Variants in AOAH observed in about 807,000 individuals in gnomAD.
The protein encoded by AOAH is acyloxyacyl hydrolase (neutrophil).
In AOAH, 64 loss-of-function variants were observed where a neutral mutation model predicts 92.2. The observed-to-expected ratio is 0.69, with a 90% CI of 0.57 to 0.86. The LOEUF is 0.86. Ranked by LOEUF, AOAH falls within the 40% of genes least tolerant of loss-of-function variation. AOAH has a pLI of 0.00. For synonymous variants in AOAH, 263 were observed against 254.5 expected (o/e 1.03, Z -0.32); for missense variants, 656 against 694.6 (o/e 0.94, Z 0.62).
chr7:36,514,562 A>C, intron 20 of AOAH: 1 of 1,535,804 alleles, frequency 6.5e-7, no homozygotes, highest in Non-Finnish European at 8.7e-7. Context: ...GCTTGTCATT[A>C]ATATGCCTTT....
intron 16 of AOAH, among the ~76,000 whole-genome samples, chr7:36,539,602 C>G (rs1785285412): frequency 1.3e-5 from 2 of 152,208 alleles, no homozygotes; most frequent in South Asian, 4.1e-4. Flanking sequence ...TAAATACATT[C>G]TCCTCTGAAA....
rs1311915016 is a variant in AOAH at position 36,656,213 on chromosome 7, A to G, written c.390+2953T>C. Among the ~76,000 whole-genome samples, 13 of 152,348 alleles carry G rather than the reference A, an allele frequency of 8.5e-5. No individual in the cohort carries two copies. The East Asian group carries it at 2.5e-3, about 29-fold the overall frequency. ...AAGATGATTGGGGGAATTCTACATG[A>G]AATGATGCTGTTCACCCAACACGGG... is the stretch of plus-strand genomic sequence containing the variant. On this transcript the variant is annotated intron_variant, in intron 4 of 20. Coordinates refer to ENST00000617537, the MANE Select transcript of AOAH (RefSeq NM_001637.4).
intron 19 of AOAH, among the ~76,000 whole-genome samples, chr7:36,523,707 T>C (rs1784237350): frequency 7.2e-6 from 1 of 138,776 alleles, no homozygotes; most frequent in Non-Finnish European, 1.5e-5. Context: ...GCCTCACATT[T>C]CCCTCTGGAC....
chr7:36,671,211 A>G (rs1795903414), intron 3 of AOAH, among the ~76,000 whole-genome samples: 2 of 152,102 alleles, frequency 1.3e-5, no homozygotes, highest in African/African-American at 2.4e-5. Context: ...CTCATCTGTA[A>G]TCATACTTTT....
chr7:36,578,765 G>A (rs1331421766), intron 12 of AOAH, among the ~76,000 whole-genome samples: 1 of 152,106 alleles, frequency 6.6e-6, no homozygotes, highest in Admixed American at 6.5e-5. Flanking sequence ...GTTAATAACT[G>A]CCTTTTGTTT....
rs141568146 is a variant in AOAH, at chr7:36,638,590, G to T, written c.391-680C>A. 3.4e-3 allele frequency among the ~76,000 whole-genome samples: 524 copies of T among 152,168 alleles called. 5 individuals carry two copies. Among genetic ancestry groups the T allele is most frequent in the African/African-American group, 0.012 (505 of 41,494 alleles). On this transcript the variant is annotated intron_variant, in intron 4 of 20. Coordinates refer to ENST00000617537, the MANE Select transcript of AOAH (RefSeq NM_001637.4). Reference sequence around the variant, plus strand: ...TTTGTCTATTTGTGGAGGGGTGGGAGAAGAGTAACCCTGGGCTGGGTGGGG... The same window carrying T: ...TTTGTCTATTTGTGGAGGGGTGGGATAAGAGTAACCCTGGGCTGGGTGGGG...
Position 36,548,596 on chromosome 7 carries a change from T to G in AOAH, c.1133+16A>C. The stretch of plus-strand genomic sequence containing the variant: ...GAGCCAAAGAATCTTGAAAATACTT[T>G]TTCTCAATAACTCACCCACTGCAGA... On this transcript the variant is annotated intron_variant, in intron 15 of 20. Transcript: ENST00000617537. 1 of 1,609,686 alleles carries G rather than the reference T, an allele frequency of 6.2e-7. No individual in the cohort carries two copies. The highest frequency in any genetic ancestry group is 8.5e-7 in the Non-Finnish European group (1 of 1,176,306).
intron 12 of AOAH, among the ~76,000 whole-genome samples, chr7:36,582,574 C>CTAAT (rs1464417490): frequency 6.6e-6 from 1 of 152,168 alleles, no homozygotes; most frequent in Non-Finnish European, 1.5e-5. Context: ...TGAGAGCTTC[C>CTAAT]TAATGCCTTC....
chr7:36,586,709 G>A (rs1409413948), intron 12 of AOAH, among the ~76,000 whole-genome samples: 1 of 152,126 alleles, frequency 6.6e-6, no homozygotes, highest in Non-Finnish European at 1.5e-5. Context: ...AGTTAAAGCT[G>A]TCAAAATTTA....
intron 11 of AOAH, among the ~76,000 whole-genome samples, chr7:36,606,143 T>C (rs1177472792): frequency 6.6e-6 from 1 of 152,250 alleles, no homozygotes; most frequent in Non-Finnish European, 1.5e-5. Context: ...ATATTTTGTA[T>C]GCATCATGAA....
At chr7:36,573,894 C>T (rs2116613296) in intron 13 of AOAH, among the ~76,000 whole-genome samples, 1 of 152,090 alleles carries the variant, frequency 6.6e-6, no homozygotes, top group East Asian at 1.9e-4. Flanking sequence ...TCCCTTTTTC[C>T]CCTTTCTCTC....
intron 2 of AOAH, among the ~76,000 whole-genome samples, chr7:36,685,409 A>C (rs965566521): frequency 6.6e-6 from 1 of 152,168 alleles, no homozygotes; most frequent in African/African-American, 2.4e-5. Context: ...ATGGGACTTC[A>C]GGGGAGGCCA....
At chr7:36,625,102 T>C (rs1460284709) in intron 6 of AOAH, among the ~76,000 whole-genome samples, 1 of 152,002 alleles carries the variant, frequency 6.6e-6, no homozygotes, top group Non-Finnish European at 1.5e-5. Flanking sequence ...TTAGTGGACC[T>C]AATGAAGAGG....
chr7:36,673,467 G>A (rs981119471), intron 3 of AOAH, among the ~76,000 whole-genome samples: 1 of 151,942 alleles, frequency 6.6e-6, no homozygotes, highest in Non-Finnish European at 1.5e-5. Context: ...AACCTGGGAG[G>A]TGGAGGTTGC....
At chr7:36,514,438 G>A (rs1372957735) in intron 20 of AOAH, 1 of 1,464,754 alleles carries the variant, frequency 6.8e-7, no homozygotes, top group South Asian at 1.2e-5. Context: ...ATACACAGCA[G>A]GCTCGACTCT....
chr7:36,678,612 C>CGCGCGCGCGCGT (rs1237289188), intron 2 of AOAH, among the ~76,000 whole-genome samples: 8 of 111,654 alleles, frequency 7.2e-5, no homozygotes, highest in African/African-American at 2.7e-4. Context: ...CGCGCGCGCG[C>CGCGCGCGCGCGT]GCGTTAGAAT....
At chr7:36,662,501 G>C (rs915721215) in intron 3 of AOAH, among the ~76,000 whole-genome samples, 2 of 152,174 alleles carry the variant, frequency 1.3e-5, no homozygotes, top group South Asian at 4.1e-4. Flanking sequence ...AAATCGAGAG[G>C]GTGGCTGTTT....
At chr7:36,659,772 T>TTTTTTTTTCTTC in intron 3 of AOAH, among the ~76,000 whole-genome samples, 1 of 150,600 alleles carries the variant, frequency 6.6e-6, no homozygotes. Flanking sequence ...TTTTTTTTTT[T>TTTTTTTTTCTTC]TCCTGCGAGA....
At chr7:36,517,997 G>A (rs1262323374) in intron 20 of AOAH, among the ~76,000 whole-genome samples, 2 of 151,058 alleles carry the variant, frequency 1.3e-5, no homozygotes, top group African/African-American at 4.9e-5. Flanking sequence ...GATTCCTCTT[G>A]AATATCATTT....
Sources: gnomAD v4.1 joint callset for allele counts (sites outside exome capture counted in the v4.1 genomes callset) on GRCh38, gnomAD v4.1.1 for gene constraint, MANE v1.5 for transcripts, NCBI Gene and HGNC (gene_info 2026-07-23, HGNC 2026-07-21) for gene names.